INPP4B: variants seen among roughly 807,000 people sequenced by gnomAD.
INPP4B encodes inositol polyphosphate-4-phosphatase type II B, also known as inositol polyphosphate 4-phosphatase type II.
Under a neutral mutation model 122.5 loss-of-function variants are expected in INPP4B, and 55 were observed. The ratio of observed to expected loss-of-function variants is 0.45; its 90% CI spans 0.36 to 0.56. INPP4B has a LOEUF of 0.56. Among genes scored for constraint, INPP4B ranks in the 20% least tolerant of loss-of-function variants. The pLI, the probability that INPP4B is intolerant of heterozygous loss-of-function variation, is 0.00. For missense variants in INPP4B, 1,000 were observed against 1,097.7 expected (o/e 0.91, Z 1.26); for synonymous variants, 403 against 388.7 (o/e 1.04, Z -0.43).
At chr4:142,225,436 C>G (rs902248474) in intron 12 of INPP4B, among the ~76,000 whole-genome samples, 1 of 151,582 alleles carries the variant, frequency 6.6e-6, no homozygotes, top group Non-Finnish European at 1.5e-5. Context: ...TCATGTGAGT[C>G]GATTCTCCTT....
At position 142,112,682 on chromosome 4, in the gene INPP4B, T is replaced by G; in HGVS notation, c.2136A>C (p.Arg712=). 1 of 1,606,144 alleles carries G rather than the reference T, an allele frequency of 6.2e-7. No individual in the cohort carries two copies. Among genetic ancestry groups the G allele is most frequent in the Non-Finnish European group, 8.5e-7 (1 of 1,177,868 alleles). ...GCTTGACCTCTACCACGTAATGTTC[T>G]CTAAAGAAGGCAGAGGACAAAGGGA... is the stretch of plus-strand genomic sequence containing the variant. ...NDVLPVITGR[R]EHYVVEVKLP... Residue 712 remains arginine (R), a splice_region_variant and synonymous_variant, in exon 22 of 26, where the codon CGA becomes CGC. Transcript: ENST00000262992.
intron 1 of INPP4B, among the ~76,000 whole-genome samples, chr4:142,812,062 G>A (rs950083600): frequency 2.0e-5 from 3 of 152,110 alleles, no homozygotes; most frequent in Admixed American, 2.0e-4. Context: ...AAGATGAGTA[G>A]TTACCCAATA....
intron 2 of INPP4B, among the ~76,000 whole-genome samples, chr4:142,667,290 T>C (rs1756252694): frequency 1.3e-5 from 2 of 152,200 alleles, no homozygotes; most frequent in African/African-American, 4.8e-5. Context: ...GCAGTTTGTT[T>C]CCCTATAATC....
chr4:142,152,061 CTTTTCTT>C (rs1441111868), intron 17 of INPP4B, among the ~76,000 whole-genome samples: 19 of 98,952 alleles, frequency 1.9e-4, no homozygotes, highest in Middle Eastern at 5.4e-3. Flanking sequence ...GCTTTTTTGT[CTTTTCTT>C]TTTTTTTTTT....
intron 7 of INPP4B, among the ~76,000 whole-genome samples, chr4:142,320,010 G>A (rs1196626590): frequency 2.0e-5 from 3 of 152,152 alleles, no homozygotes; most frequent in African/African-American, 4.8e-5. Flanking sequence ...GGAGAAAAAT[G>A]TGCTTCAAAG....
intron 2 of INPP4B, among the ~76,000 whole-genome samples, chr4:142,720,235 TC>T (rs1181479116): frequency 6.6e-6 from 1 of 152,212 alleles, no homozygotes; most frequent in East Asian, 1.9e-4. Context: ...AAAAAATAGT[TC>T]TTAAACTTTC....
chr4:142,119,978 T>C (rs10006183), intron 21 of INPP4B, among the ~76,000 whole-genome samples: 18,923 of 151,564 alleles, frequency 0.12, 1,343 homozygotes, highest in East Asian at 0.23. Context: ...TCTAGAAGTT[T>C]CACAGTTTTA....
chr4:142,541,269 G>T (rs1000791531), intron 2 of INPP4B, among the ~76,000 whole-genome samples: 1 of 152,184 alleles, frequency 6.6e-6, no homozygotes, highest in Non-Finnish European at 1.5e-5. Context: ...AGAAACTGAG[G>T]TGTAGAGAAA....
At chr4:142,131,364 T>C (rs1033102638) in intron 18 of INPP4B, among the ~76,000 whole-genome samples, 1 of 152,134 alleles carries the variant, frequency 6.6e-6, no homozygotes, top group Non-Finnish European at 1.5e-5. Flanking sequence ...ATCAGAGAAG[T>C]GAAGAGGTGC....
At chr4:142,094,894 T>G (rs1781179937) in intron 23 of INPP4B, among the ~76,000 whole-genome samples, 1 of 152,150 alleles carries the variant, frequency 6.6e-6, no homozygotes, top group African/African-American at 2.4e-5. Context: ...TACAGGAAGA[T>G]GATGAAAATA....
chr4:142,214,979 C>A (rs1300775633), intron 12 of INPP4B, among the ~76,000 whole-genome samples: 2 of 152,186 alleles, frequency 1.3e-5, no homozygotes, highest in South Asian at 2.1e-4. Context: ...GGTGTAGCAA[C>A]CAGATATGCC....
chr4:142,634,187 C>T (rs1748610899), intron 2 of INPP4B, among the ~76,000 whole-genome samples: 1 of 152,162 alleles, frequency 6.6e-6, no homozygotes, highest in South Asian at 2.1e-4. Flanking sequence ...AATCTTATCA[C>T]TATTAGCAAA....
intron 1 of INPP4B, among the ~76,000 whole-genome samples, chr4:142,831,483 A>G (rs749319309): frequency 2.0e-5 from 3 of 152,208 alleles, no homozygotes; most frequent in Non-Finnish European, 4.4e-5. Context: ...TAATCTCCCC[A>G]TAGGAGAGAA....
At chr4:142,076,139 C>A (rs1002075001) in intron 25 of INPP4B, among the ~76,000 whole-genome samples, 1 of 151,914 alleles carries the variant, frequency 6.6e-6, no homozygotes, top group African/African-American at 2.4e-5. Flanking sequence ...CAAACACTAT[C>A]AACAAAAGAA....
chr4:142,522,555 T>C (rs1826233781), intron 2 of INPP4B, among the ~76,000 whole-genome samples: 1 of 151,916 alleles, frequency 6.6e-6, no homozygotes, highest in Non-Finnish European at 1.5e-5. Flanking sequence ...GGTACTGAGT[T>C]CCAATGCTAT....
chr4:142,720,865 A>T (rs1764550595), intron 2 of INPP4B, among the ~76,000 whole-genome samples: 1 of 107,118 alleles, frequency 9.3e-6, no homozygotes, highest in Admixed American at 1.0e-4. Context: ...ACAGGGTCTT[A>T]CTTTGTCACC....
At chr4:142,797,580 A>C (rs1777432962) in intron 1 of INPP4B, among the ~76,000 whole-genome samples, 1 of 152,016 alleles carries the variant, frequency 6.6e-6, no homozygotes, top group South Asian at 2.1e-4. Flanking sequence ...AACTGATAAA[A>C]GAAAACAAAT....
chr4:142,386,361 A>G (rs1795962911), intron 7 of INPP4B, among the ~76,000 whole-genome samples: 1 of 152,182 alleles, frequency 6.6e-6, no homozygotes, highest in South Asian at 2.1e-4. Flanking sequence ...GAGTACAGAT[A>G]CTTCTTCAAT....
At chr4:142,421,784 T>C (rs1289057309) in intron 5 of INPP4B, among the ~76,000 whole-genome samples, 2 of 152,148 alleles carry the variant, frequency 1.3e-5, no homozygotes, top group Non-Finnish European at 2.9e-5. Context: ...TCCTCTGAGA[T>C]GCTGTTTTTG....
Sources: allele counts gnomAD v4.1 joint callset (sites outside exome capture counted in the v4.1 genomes callset), GRCh38; gene constraint gnomAD v4.1.1; transcripts MANE v1.5; gene names NCBI Gene and HGNC (gene_info 2026-07-23, HGNC 2026-07-21).